Variants in MDGA2 observed in about 807,000 individuals in gnomAD.
The protein encoded by MDGA2 is MAM domain-containing glycosylphosphatidylinositol anchor protein 2.
Under a neutral mutation model 117.8 loss-of-function variants are expected in MDGA2, and 40 were observed. The ratio of observed to expected loss-of-function variants is 0.34; its 90% confidence interval spans 0.26 to 0.44. The LOEUF is 0.44. MDGA2 is among the 20% of genes least tolerant of loss of function. The probability of loss-of-function intolerance (pLI) is 1.00; values close to 1 mark genes in which losing one functional copy is unlikely to be tolerated. For synonymous variants in MDGA2, 452 were observed against 439.0 expected (o/e 1.03, Z -0.37); for missense variants, 1,123 against 1,250.6 (o/e 0.90, Z 1.54).
At chr14:47,077,368 G>A (rs535950174) in intron 6 of MDGA2, among the ~76,000 whole-genome samples, 1 of 152,144 alleles carries the variant, frequency 6.6e-6, no homozygotes, top group East Asian at 1.9e-4. Flanking sequence ...CCTCTTTTGT[G>A]AAAGATGTAC....
rs149960648 is a variant in MDGA2 at position 47,063,354 on chromosome 14, T to C, written c.1196-1776A>G. On this transcript the variant is annotated intron_variant, in intron 6 of 16. Transcript: ENST00000399232. ...TTACCCCTAACCATATCTTTATCAG[T>C]AAGTTACTCTAGGGTGAAATTAGGA... Among the ~76,000 whole-genome samples the C allele has an allele frequency of 3.1e-3, 477 of 152,098 alleles. 3 individuals carry two copies. Among genetic ancestry groups the C allele is most frequent in the Middle Eastern group, 0.014 (4 of 294 alleles).
intron 8 of MDGA2, among the ~76,000 whole-genome samples, chr14:47,007,668 T>G (rs375171697): frequency 4.6e-5 from 7 of 151,764 alleles, no homozygotes; most frequent in Non-Finnish European, 1.5e-5. Flanking sequence ...CCTCCAAGAT[T>G]AGAAAATTAA....
intron 9 of MDGA2, among the ~76,000 whole-genome samples, chr14:46,946,586 C>T (rs558512819): frequency 6.6e-6 from 1 of 152,206 alleles, no homozygotes; most frequent in East Asian, 1.9e-4. Context: ...CTGATGTTTG[C>T]TCCTATGGAA....
At chr14:47,110,430 T>G (rs1268385674) in intron 5 of MDGA2, among the ~76,000 whole-genome samples, 1 of 152,166 alleles carries the variant, frequency 6.6e-6, no homozygotes, top group Non-Finnish European at 1.5e-5. Flanking sequence ...TCTAAGACCA[T>G]CTGGTGTTGA....
chr14:47,431,412 A>C (rs1360327724), intron 1 of MDGA2, among the ~76,000 whole-genome samples: 1 of 152,050 alleles, frequency 6.6e-6, no homozygotes, highest in Non-Finnish European at 1.5e-5. Context: ...AAATTATGAT[A>C]TTCATGTCAT....
At position 47,014,133 on chromosome 14, in the gene MDGA2, G is replaced by A. The variant is rs117375175; in HGVS notation, c.1819+20878C>T. On this transcript the variant is annotated intron_variant, in intron 8 of 16. Transcript: ENST00000399232. Reference sequence around the variant, plus strand: ...TTTATCAGAGTTATTGAGTGACCAGGTGCATTGTCAGTGAGCAGTAATATT... The same window carrying A: ...TTTATCAGAGTTATTGAGTGACCAGATGCATTGTCAGTGAGCAGTAATATT... Among the ~76,000 whole-genome samples, 1,456 of 152,042 alleles carry A rather than the reference G, an allele frequency of 9.6e-3. 11 individuals carry two copies. Among genetic ancestry groups the A allele is most frequent in the Middle Eastern group, 0.017 (5 of 294 alleles).
intron 5 of MDGA2, among the ~76,000 whole-genome samples, chr14:47,120,764 A>G (rs901746172): frequency 5.3e-5 from 8 of 152,192 alleles, no homozygotes; most frequent in African/African-American, 1.9e-4. Flanking sequence ...TTCCCAGCAT[A>G]CCAATCTTCT....
chr14:47,668,865 C>A (rs1898024281), intron 1 of MDGA2, among the ~76,000 whole-genome samples: 2 of 152,166 alleles, frequency 1.3e-5, no homozygotes, highest in Admixed American at 6.5e-5. Context: ...GCTCAGTTCC[C>A]AGAGTAGGTC....
chr14:47,240,411 G>C (rs1391652483), intron 2 of MDGA2, among the ~76,000 whole-genome samples: 1 of 151,822 alleles, frequency 6.6e-6, no homozygotes, highest in African/African-American at 2.4e-5. Context: ...GGTTATAGGA[G>C]TGTGTTAAGT....
At chr14:47,283,636 G>C (rs1888574466) in intron 2 of MDGA2, among the ~76,000 whole-genome samples, 1 of 152,156 alleles carries the variant, frequency 6.6e-6, no homozygotes, top group Non-Finnish European at 1.5e-5. Context: ...AAATCTTTTT[G>C]ATGCTCGGTG....
chr14:47,608,040 A>G (rs549281666), intron 1 of MDGA2, among the ~76,000 whole-genome samples: 1 of 152,254 alleles, frequency 6.6e-6, no homozygotes, highest in African/African-American at 2.4e-5. Context: ...TTAAATTACT[A>G]TGATTTTCTT....
chr14:47,034,371 T>G (rs1450636257), intron 8 of MDGA2, among the ~76,000 whole-genome samples: 1 of 152,110 alleles, frequency 6.6e-6, no homozygotes, highest in Non-Finnish European at 1.5e-5. Flanking sequence ...AAAATGTATC[T>G]TATTCAATTC....
At chr14:47,067,852 A>T (rs1890140256) in intron 6 of MDGA2, among the ~76,000 whole-genome samples, 1 of 152,190 alleles carries the variant, frequency 6.6e-6, no homozygotes, top group South Asian at 2.1e-4. Context: ...AGTATTAAAG[A>T]TTCTGGAAAA....
intron 3 of MDGA2, among the ~76,000 whole-genome samples, chr14:47,144,756 C>T (rs1272773725): frequency 6.6e-6 from 1 of 151,778 alleles, no homozygotes; most frequent in Admixed American, 6.6e-5. Flanking sequence ...CCAAGCCATC[C>T]TCCTACCTCA....
At chr14:47,557,665 A>C (rs956637420) in intron 1 of MDGA2, among the ~76,000 whole-genome samples, 8 of 152,216 alleles carry the variant, frequency 5.3e-5, no homozygotes, top group Non-Finnish European at 1.0e-4. Flanking sequence ...TCCATTTCTC[A>C]ATCAAAAACC....
chr14:47,311,326 T>C (rs553093689), intron 1 of MDGA2, among the ~76,000 whole-genome samples: 4 of 152,168 alleles, frequency 2.6e-5, no homozygotes, highest in African/African-American at 4.8e-5. Flanking sequence ...TAAAATTTAC[T>C]GTGAAATATG....
chr14:47,142,983 TATC>T lies in MDGA2; in HGVS notation c.792+1092_792+1094del, dbSNP rs200107189. ...GAATATATATGATGTGTGCAGATGTTATCATATAATCACTGCATTATTCCACAG... is the reference window on the plus strand; with the variant it reads ...GAATATATATGATGTGTGCAGATGTTATATAATCACTGCATTATTCCACAG... On this transcript the variant is annotated intron_variant, in intron 4 of 16. Transcript: ENST00000399232. 1.0e-3 allele frequency among the ~76,000 whole-genome samples: 156 copies of T among 152,348 alleles called. 2 individuals are homozygous for T. Among genetic ancestry groups the T allele is most frequent in the African/African-American group, 3.6e-3 (148 of 41,580 alleles).
rs117978472 is a variant in MDGA2 at position 46,910,832 on chromosome 14, T to C, written c.2238+9180A>G. Reference sequence around the variant, plus strand: ...GCAGCCATAAAAACGAATGCAATTATATCCTTTGCGGGGACACGGATGGAG... The same window carrying C: ...GCAGCCATAAAAACGAATGCAATTACATCCTTTGCGGGGACACGGATGGAG... On this transcript the variant is annotated intron_variant, in intron 10 of 16. Coordinates refer to ENST00000399232, the MANE Select transcript of MDGA2 (RefSeq NM_001113498.3). Among the ~76,000 whole-genome samples the C allele has an allele frequency of 3.3e-4, 50 of 152,338 alleles. No individual in the cohort carries two copies. The East Asian group carries it at 8.7e-3, about 26-fold the overall frequency.
chr14:46,864,339 T>A (rs1881637153), intron 14 of MDGA2, among the ~76,000 whole-genome samples: 1 of 150,606 alleles, frequency 6.6e-6, no homozygotes, highest in South Asian at 2.1e-4. Flanking sequence ...CTAGAAGTGA[T>A]GCTTAGTCAA....
Sources: allele counts gnomAD v4.1 joint callset (sites outside exome capture counted in the v4.1 genomes callset), GRCh38; gene constraint gnomAD v4.1.1; transcripts MANE v1.5; gene names NCBI Gene and HGNC (gene_info 2026-07-23, HGNC 2026-07-21).